Variants in ERICH3 observed in about 807,000 individuals in gnomAD.
ERICH3 encodes the protein glutamate rich 3, also known as glutamate-rich protein 3.
Under a neutral mutation model 131.1 loss-of-function variants are expected in ERICH3, and 126 were observed. The ratio of observed to expected loss-of-function variants is 0.96; its 90% confidence interval spans 0.83 to 1.11. The LOEUF is 1.11. Ranked by LOEUF, ERICH3 falls within the 50% of genes most tolerant of loss-of-function variation. The pLI, the probability that ERICH3 is intolerant of heterozygous loss-of-function variation, is 0.00. For synonymous variants in ERICH3, 695 were observed against 644.6 expected (o/e 1.08, Z -1.18); for missense variants, 2,050 against 1,810.7 (o/e 1.13, Z -2.40).
intron 12 of ERICH3, among the ~76,000 whole-genome samples, chr1:74,585,067 T>C (rs1266090603): frequency 1.3e-5 from 2 of 152,204 alleles, no homozygotes; most frequent in Admixed American, 6.5e-5. Flanking sequence ...CCATATGCAT[T>C]TGACATTATA....
chr1:74,609,228 G>A (rs1648545284), intron 9 of ERICH3, among the ~76,000 whole-genome samples: 1 of 152,034 alleles, frequency 6.6e-6, no homozygotes, highest in South Asian at 2.1e-4. Flanking sequence ...CACTTTGGAA[G>A]TGACCACTGC....
At chr1:74,652,800 G>A (rs771330851) in intron 1 of ERICH3, among the ~76,000 whole-genome samples, 2 of 152,100 alleles carry the variant, frequency 1.3e-5, no homozygotes, top group Non-Finnish European at 1.5e-5. Context: ...AGACCCACAA[G>A]TCACTGGCCA....
intron 5 of ERICH3, among the ~76,000 whole-genome samples, chr1:74,640,919 G>T (rs1646432223): frequency 6.6e-6 from 1 of 152,048 alleles, no homozygotes; most frequent in African/African-American, 2.4e-5. Flanking sequence ...ATGTATAGTG[G>T]TCCCATTTTG....
chr1:74,603,333 T>C lies in ERICH3; in HGVS notation c.1489+3268A>G, dbSNP rs192860463. On this transcript the variant is annotated intron_variant, in intron 10 of 14. Transcript: ENST00000326665. ...ATTAGACAAACCTGGGTGCAAATTC[T>C]TATTCTGCTACTTTCTTTTTGTGTA... 4.0e-3 allele frequency among the ~76,000 whole-genome samples: 602 copies of C among 152,008 alleles called. 5 individuals are homozygous for C. The highest frequency in any genetic ancestry group is 0.014 in the African/African-American group (570 of 41,514).
chr1:74,658,699 A>G (rs1646610414), intron 1 of ERICH3, among the ~76,000 whole-genome samples: 1 of 152,168 alleles, frequency 6.6e-6, no homozygotes, highest in Admixed American at 6.6e-5. Flanking sequence ...GTTCTTTTAA[A>G]AAGTCATGCT....
At chr1:74,655,710 T>C (rs1646577606) in intron 1 of ERICH3, among the ~76,000 whole-genome samples, 1 of 152,172 alleles carries the variant, frequency 6.6e-6, no homozygotes, top group Non-Finnish European at 1.5e-5. Context: ...GGCTAGAATA[T>C]GGACATCTTT....
rs1488124465 is a variant in ERICH3, at chr1:74,640,942, G to A, written c.444+389C>T. On this transcript the variant is annotated intron_variant, in intron 5 of 14. Coordinates refer to ENST00000326665, the MANE Select transcript of ERICH3 (RefSeq NM_001002912.5). ...TGGTCCCATTTTGCTACATTGAAGG[G>A]TGCTAAAGAGTAATCATGCAGAAAA... Among the ~76,000 whole-genome samples the A allele has an allele frequency of 2.6e-5, 4 of 152,084 alleles. No homozygotes were observed. In the South Asian group the frequency reaches 8.3e-4, roughly 32 times the overall value.
At chr1:74,652,989 A>C (rs970681462) in intron 1 of ERICH3, among the ~76,000 whole-genome samples, 2 of 152,044 alleles carry the variant, frequency 1.3e-5, no homozygotes, top group African/African-American at 4.8e-5. Flanking sequence ...CAGTGCACAC[A>C]CCACATCCTT....
rs533191192 is a variant in ERICH3 at position 74,649,129 on chromosome 1, G to A, written c.117+93C>T. On this transcript the variant is annotated intron_variant, in intron 2 of 14. Transcript: ENST00000326665. ...TAATTTTTCTAAAATGAGGGCAAGT[G>A]GAAGATGTCACTCAAAGAGAAAGCC... is the stretch of plus-strand genomic sequence containing the variant. 59 of 797,200 alleles carry A rather than the reference G, an allele frequency of 7.4e-5. 1 individual carries two copies. In the South Asian group the frequency reaches 1.3e-3, roughly 17 times the overall value. The allele number at this position is 797,200 out of a possible 1,614,324, so 49.4% of individuals were successfully genotyped here. A position where few individuals can be genotyped will look rare whatever the true frequency, so the allele number is the denominator to read the frequency against.
At chr1:74,615,045 C>T (rs971484480) in intron 8 of ERICH3, among the ~76,000 whole-genome samples, 1 of 152,112 alleles carries the variant, frequency 6.6e-6, no homozygotes, top group Non-Finnish European at 1.5e-5. Flanking sequence ...GGAAATCAAC[C>T]CCTAGAAGTG....
At chr1:74,584,348 C>A (rs377626224) in intron 12 of ERICH3, among the ~76,000 whole-genome samples, 2 of 152,282 alleles carry the variant, frequency 1.3e-5, no homozygotes, top group South Asian at 4.1e-4. Context: ...GAAAGATTTC[C>A]TAACTCAGAA....
Position 74,571,145 on chromosome 1 carries a change from T to A in ERICH3, c.4565A>T (p.Asp1522Val), listed in dbSNP as rs747293618. Residue 1522 changes from aspartate (D) to valine (V), a missense_variant, in exon 14 of 15, where the codon GAT (aspartate) becomes GTT (valine). Coordinates refer to ENST00000326665, the MANE Select transcript of ERICH3 (RefSeq NM_001002912.5). Reference protein sequence around the residue: ...HMVQGESETADVSPNNVQV With the variant: ...HMVQGESETAVVSPNNVQV ...GACCTGCACGTTGTTGGGGGAAACA[T>A]CTGCAGTCTCGCTTTCTCCTTGCAC... 2.2e-5 allele frequency: 36 copies of A among 1,613,832 alleles called. No homozygotes were observed. Among genetic ancestry groups the A allele is most frequent in the Non-Finnish European group, 3.0e-5 (35 of 1,179,948 alleles).
intron 10 of ERICH3, among the ~76,000 whole-genome samples, chr1:74,602,652 A>T (rs990560072): frequency 1.3e-5 from 2 of 151,932 alleles, no homozygotes; most frequent in Non-Finnish European, 2.9e-5. Context: ...TTTAAAGTCC[A>T]TTAACTAGCC....
chr1:74,586,443 A>G, intron 12 of ERICH3: 1 of 984,186 alleles, frequency 1.0e-6, no homozygotes, highest in Non-Finnish European at 1.2e-6. Context: ...ATCCCTGGAG[A>G]AAAAGAGTAA....
At chr1:74,602,061 G>A (rs886304980) in intron 10 of ERICH3, among the ~76,000 whole-genome samples, 1 of 151,866 alleles carries the variant, frequency 6.6e-6, no homozygotes, top group African/African-American at 2.4e-5. Flanking sequence ...TCCTTTGACA[G>A]CAACACACTT....
At chr1:74,660,289 A>C (rs1646628322) in intron 1 of ERICH3, among the ~76,000 whole-genome samples, 1 of 152,036 alleles carries the variant, frequency 6.6e-6, no homozygotes, top group Non-Finnish European at 1.5e-5. Flanking sequence ...ACCCAGTCTA[A>C]GGTAGTTCTT....
chr1:74,610,666 C>T (rs1184319616), intron 9 of ERICH3, among the ~76,000 whole-genome samples: 1 of 151,920 alleles, frequency 6.6e-6, no homozygotes, highest in Non-Finnish European at 1.5e-5. Context: ...CTGGCTACCA[C>T]CTAATTACCA....
rs554533829 is a variant in ERICH3, at chr1:74,609,679, T to C, written c.1188-2777A>G. ...GCAACAGGGAGACATCCAATGACAATGCACTGTTCTATTCTGGGCATTCAC... is the reference window on the plus strand; with the variant it reads ...GCAACAGGGAGACATCCAATGACAACGCACTGTTCTATTCTGGGCATTCAC... On this transcript the variant is annotated intron_variant, in intron 9 of 14. Transcript: ENST00000326665. Among the ~76,000 whole-genome samples the C allele has an allele frequency of 5.9e-5, 9 of 152,174 alleles. No homozygotes were observed. The South Asian group carries it at 1.9e-3, about 32-fold the overall frequency.
chr1:74,665,428 T>C (rs1157092561), intron 1 of ERICH3, among the ~76,000 whole-genome samples: 2 of 152,212 alleles, frequency 1.3e-5, no homozygotes, highest in African/African-American at 4.8e-5. Flanking sequence ...TTTAAATGAT[T>C]CTGCATTTCT....
Sources: allele counts gnomAD v4.1 joint callset (sites outside exome capture counted in the v4.1 genomes callset), GRCh38; gene constraint gnomAD v4.1.1; transcripts MANE v1.5; gene names NCBI Gene and HGNC (gene_info 2026-07-23, HGNC 2026-07-21).